Variants in BBS9 observed in about 807,000 individuals in gnomAD.
BBS9 encodes Bardet-Biedl syndrome 9.
A neutral mutation model predicts 117.7 loss-of-function variants in BBS9; 89 were observed. The observed-to-expected ratio is 0.76, with a 90% CI of 0.64 to 0.90. The LOEUF (loss-of-function observed/expected upper bound fraction) is 0.90, where lower values mean the gene tolerates loss of function less well. Ranked by LOEUF, BBS9 falls within the 40% of genes least tolerant of loss-of-function variation. BBS9 has a pLI of 0.00. For missense variants in BBS9, 982 were observed against 1,042.2 expected (o/e 0.94, Z 0.80); for synonymous variants, 379 against 370.9 (o/e 1.02, Z -0.25).
intron 19 of BBS9, among the ~76,000 whole-genome samples, chr7:33,395,599 A>G (rs1009992676): frequency 2.0e-5 from 3 of 152,262 alleles, no homozygotes; most frequent in African/African-American, 2.4e-5. Context: ...AGAGAGGCAG[A>G]TGGCTGACTT....
chr7:33,173,148 T>C (rs1260953566), intron 4 of BBS9, among the ~76,000 whole-genome samples: 2 of 152,224 alleles, frequency 1.3e-5, no homozygotes, highest in Non-Finnish European at 2.9e-5. Flanking sequence ...GAAAGCATCC[T>C]CTATGCCTGG....
intron 20 of BBS9, among the ~76,000 whole-genome samples, chr7:33,515,773 T>C (rs931153582): frequency 1.3e-5 from 2 of 152,224 alleles, no homozygotes; most frequent in Non-Finnish European, 2.9e-5. Flanking sequence ...CAGTTTATTC[T>C]ATCTGGATGT....
chr7:33,276,592 A>T (rs918754267), intron 9 of BBS9, among the ~76,000 whole-genome samples: 1 of 152,172 alleles, frequency 6.6e-6, no homozygotes, highest in Non-Finnish European at 1.5e-5. Flanking sequence ...GGTGTTACAG[A>T]TACCCTACAC....
chr7:33,146,452 G>T, intron 2 of BBS9, 88 bp downstream of exon 2: 1 of 1,110,298 alleles, frequency 9.0e-7, no homozygotes, highest in African/African-American at 1.5e-5. Context: ...TGTAATCTCA[G>T]TTCTTTTGGG....
At chr7:33,422,885 C>G (rs978781249) in intron 19 of BBS9, among the ~76,000 whole-genome samples, 1 of 152,140 alleles carries the variant, frequency 6.6e-6, no homozygotes, top group Non-Finnish European at 1.5e-5. Flanking sequence ...GCTGGGATTA[C>G]AGGCATGAGC....
rs766634541 is a variant in BBS9, at chr7:33,319,162, C to CAA, written c.1017-17265_1017-17264dup. On this transcript the variant is annotated intron_variant, in intron 9 of 22. Transcript: ENST00000242067. ...TGGGTGACAGAGCAAGACTCTATGTCAAAAAAAAAAAAAAAGAATAATAGT... is the reference window on the plus strand; with the variant it reads ...TGGGTGACAGAGCAAGACTCTATGTCAAAAAAAAAAAAAAAAAGAATAATAGT... Among the ~76,000 whole-genome samples the CAA allele has an allele frequency of 7.4e-3, 936 of 127,042 alleles. 13 individuals are homozygous for CAA. Among genetic ancestry groups the CAA allele is most frequent in the African/African-American group, 0.025 (823 of 32,812 alleles). The allele number at this position is 127,042 out of a possible 152,430, so 83.3% of individuals were successfully genotyped here. A position where few individuals can be genotyped will look rare whatever the true frequency, so the allele number is the denominator to read the frequency against.
intron 5 of BBS9, among the ~76,000 whole-genome samples, chr7:33,208,048 A>T (rs1020796853): frequency 1.3e-5 from 2 of 152,138 alleles, no homozygotes; most frequent in Admixed American, 1.3e-4. Flanking sequence ...ACCTCAGGTG[A>T]TCCACCCGCC....
At chr7:33,361,446 T>C (rs947586904) in intron 16 of BBS9, among the ~76,000 whole-genome samples, 1 of 152,292 alleles carries the variant, frequency 6.6e-6, no homozygotes, top group Non-Finnish European at 1.5e-5. Flanking sequence ...GAGAAATTCT[T>C]TGGAGACAAA....
At chr7:33,198,929 T>C (rs1318006653) in intron 5 of BBS9, among the ~76,000 whole-genome samples, 10 of 152,148 alleles carry the variant, frequency 6.6e-5, no homozygotes, top group Admixed American at 3.3e-4. Flanking sequence ...CCTAGCACTA[T>C]TAATATGTCT....
At chr7:33,455,657 C>T (rs1351479347) in intron 19 of BBS9, among the ~76,000 whole-genome samples, 2 of 152,120 alleles carry the variant, frequency 1.3e-5, no homozygotes, top group Non-Finnish European at 2.9e-5. Context: ...GGCTGGAAAA[C>T]CATCAATGGT....
chr7:33,445,482 G>T (rs192520167), intron 19 of BBS9, among the ~76,000 whole-genome samples: 1 of 152,258 alleles, frequency 6.6e-6, no homozygotes, highest in Admixed American at 6.5e-5. Flanking sequence ...CTACTTGTAT[G>T]TTGATGCATA....
At chr7:33,187,002 C>T (rs1783248862) in intron 5 of BBS9, among the ~76,000 whole-genome samples, 1 of 152,068 alleles carries the variant, frequency 6.6e-6, no homozygotes. Context: ...TTGAACTCTA[C>T]TTGTTTTTGA....
chr7:33,190,154 C>G (rs1237005260), intron 5 of BBS9, among the ~76,000 whole-genome samples: 14 of 128,522 alleles, frequency 1.1e-4, no homozygotes, highest in African/African-American at 4.1e-4. Flanking sequence ...GAGTCTCGCT[C>G]TGTCGCCCAG....
At chr7:33,594,202 C>T (rs1862369224) in intron 21 of BBS9, among the ~76,000 whole-genome samples, 1 of 152,104 alleles carries the variant, frequency 6.6e-6, no homozygotes, top group Non-Finnish European at 1.5e-5. Context: ...TATTCACACG[C>T]TTTATCTCTG....
At chr7:33,410,129 A>G (rs1830847048) in intron 19 of BBS9, among the ~76,000 whole-genome samples, 2 of 152,188 alleles carry the variant, frequency 1.3e-5, no homozygotes, top group Admixed American at 6.5e-5. Flanking sequence ...CCACCAGTGC[A>G]CAGAACAGTA....
chr7:33,336,503 G>A lies in BBS9; in HGVS notation c.1079G>A (p.Gly360Glu). The A allele has an allele frequency of 6.2e-7, 1 of 1,613,624 alleles. No homozygotes were observed. The highest frequency in any genetic ancestry group is 8.5e-7 in the Non-Finnish European group (1 of 1,179,760). The change falls in exon 10 of 23, where the codon GGG (glycine) becomes GAG (glutamate). Residue 360 changes from glycine (G) to glutamate (E), a missense_variant. By Grantham distance (98) the Gly-to-Glu change is moderately conservative. Transcript: ENST00000242067. ...GGTCACTTGCAGTGTTCATACCTGGGGACAGATCCTTCTCTGTTCCAAGCT... is the reference window on the plus strand; with the variant it reads ...GGTCACTTGCAGTGTTCATACCTGGAGACAGATCCTTCTCTGTTCCAAGCT... ...DDGHLQCSYLGTDPSLFQAPN... is the reference protein window; with the variant it reads ...DDGHLQCSYLETDPSLFQAPN...
chr7:33,514,392 G>C (rs982264359), intron 20 of BBS9, among the ~76,000 whole-genome samples: 1 of 152,114 alleles, frequency 6.6e-6, no homozygotes, highest in Non-Finnish European at 1.5e-5. Flanking sequence ...TGGTTCTTTA[G>C]TGCCTTTCTC....
chr7:33,198,092 G>C (rs1448091812), intron 5 of BBS9, among the ~76,000 whole-genome samples: 2 of 151,880 alleles, frequency 1.3e-5, no homozygotes, highest in Non-Finnish European at 2.9e-5. Context: ...TTAAAAGTGA[G>C]CTGGATTTTA....
At chr7:33,388,282 GA>G (rs1354419108) in intron 19 of BBS9, 138 bp downstream of exon 19, 3 of 1,087,088 alleles carry the variant, frequency 2.8e-6, no homozygotes, top group Non-Finnish European at 4.0e-6. Flanking sequence ...ACAAGCTTTA[GA>G]GTCAGAAAAA....
Sources: allele counts gnomAD v4.1 joint callset (sites outside exome capture counted in the v4.1 genomes callset), GRCh38; gene constraint gnomAD v4.1.1; transcripts MANE v1.5; gene names NCBI Gene and HGNC (gene_info 2026-07-23, HGNC 2026-07-21).